CDC14A: variants seen among roughly 807,000 people sequenced by gnomAD.
CDC14A encodes cell division cycle 14A, also known as dual specificity protein phosphatase CDC14A.
CDC14A carries 53 observed loss-of-function variants against 74.4 expected under a neutral mutation model. The observed-to-expected ratio is 0.71, with a 90% CI of 0.57 to 0.89. The LOEUF (loss-of-function observed/expected upper bound fraction) is 0.89. Ranked by LOEUF, CDC14A falls within the 40% of genes least tolerant of loss-of-function variation. The probability of loss-of-function intolerance (pLI) is 0.00; values close to 1 mark genes in which losing one functional copy is unlikely to be tolerated. For missense variants in CDC14A, 646 were observed against 713.7 expected, an observed-to-expected ratio of 0.91 and a Z score of 1.08; for synonymous variants, 247 against 258.4, an observed-to-expected ratio of 0.96 and a Z score of 0.43.
At chr1:100,460,541 C>CCATTCCT (rs989465525) in intron 8 of CDC14A, among the ~76,000 whole-genome samples, 3 of 152,184 alleles carry the variant, frequency 2.0e-5, no homozygotes, top group African/African-American at 7.2e-5. Context: ...CTTCTCCTCC[C>CCATTCCT]CATTCCTCAC....
chr1:100,518,351 G>A lies in CDC14A; in HGVS notation c.*71G>A. On this transcript the variant is annotated 3_prime_UTR_variant, in exon 16 of 16. Coordinates refer to ENST00000336454, the MANE Select transcript of CDC14A (RefSeq NM_003672.4). The stretch of plus-strand genomic sequence containing the variant: ...TCTTCATCTGGACGAGCAGTGGAGA[G>A]GGAAAGCAACTTCTTGCTGGAAGAA... 7.9e-7 allele frequency: 1 copy of A among 1,261,058 alleles called. No homozygotes were observed. The highest frequency in any genetic ancestry group is 1.2e-5 in the South Asian group (1 of 82,640). 78.1% of individuals were successfully genotyped at this position (1,261,058 alleles called of 1,614,324 possible). A position where few individuals can be genotyped will look rare whatever the true frequency, so the allele number is the denominator to read the frequency against.
chr1:100,412,724 T>TATATA (rs1660956964), intron 4 of CDC14A, among the ~76,000 whole-genome samples: 1 of 75,362 alleles, frequency 1.3e-5, no homozygotes, highest in African/African-American at 1.3e-4. Flanking sequence ...ATATATATAT[T>TATATA]TTATATATAT....
At chr1:100,372,436 C>T (rs1654609573) in intron 2 of CDC14A, among the ~76,000 whole-genome samples, 1 of 152,202 alleles carries the variant, frequency 6.6e-6, no homozygotes, top group Admixed American at 6.5e-5. Context: ...ACTTTATCAA[C>T]TAAGTATGTG....
intron 4 of CDC14A, among the ~76,000 whole-genome samples, chr1:100,391,225 T>G (rs1304126819): frequency 6.6e-6 from 1 of 152,198 alleles, no homozygotes; most frequent in Non-Finnish European, 1.5e-5. Context: ...GAGGAAACCT[T>G]AGATTGCACA....
At chr1:100,478,834 C>A (rs1669176351) in intron 10 of CDC14A, among the ~76,000 whole-genome samples, 1 of 152,172 alleles carries the variant, frequency 6.6e-6, no homozygotes, top group African/African-American at 2.4e-5. Flanking sequence ...AACTTTGTTG[C>A]AAGCCTTCCA....
intron 7 of CDC14A, among the ~76,000 whole-genome samples, chr1:100,444,521 T>C (rs930831121): frequency 2.6e-5 from 4 of 152,206 alleles, no homozygotes; most frequent in African/African-American, 9.6e-5. Flanking sequence ...CCATCTCCTG[T>C]TACTTCACTG....
intron 3 of CDC14A, 113 bp downstream of exon 3, chr1:100,377,734 A>C: frequency 1.4e-6 from 1 of 690,846 alleles, no homozygotes; most frequent in South Asian, 1.9e-5. Context: ...GATCTCTGGA[A>C]ATTTATGTGA....
Position 100,377,567 on chromosome 1 carries a change from G to T in CDC14A, c.162G>T (p.Pro54=). The change falls in exon 3 of 16, where the codon CCG becomes CCT. Residue 54 remains proline (P), a synonymous_variant. Transcript: ENST00000336454. ...VYENFYADFG[P]LNLAMVYRYC... is the part of the protein sequence containing the mutation. ...TTAGTTTCTATGCAGATTTTGGACC[G>T]CTGAACTTGGCAATGGTGTACAGAT... 1.9e-6 allele frequency: 3 copies of T among 1,613,088 alleles called. No individual in the cohort carries two copies. Among genetic ancestry groups the T allele is most frequent in the East Asian group, 2.2e-5 (1 of 44,864 alleles).
At chr1:100,411,866 G>A (rs1660755308) in intron 4 of CDC14A, among the ~76,000 whole-genome samples, 1 of 152,178 alleles carries the variant, frequency 6.6e-6, no homozygotes, top group Admixed American at 6.5e-5. Context: ...TTGGTGATGT[G>A]CTGGTGACTG....
chr1:100,429,773 G>A (rs188620611), intron 5 of CDC14A, among the ~76,000 whole-genome samples: 1,844 of 147,380 alleles, frequency 0.013, 39 homozygotes, highest in African/African-American at 0.043. Context: ...TATATCAAGT[G>A]TGTATATATA....
At chr1:100,459,101 G>GCACACACACA (rs545033793) in intron 8 of CDC14A, among the ~76,000 whole-genome samples, 4 of 143,690 alleles carry the variant, frequency 2.8e-5, no homozygotes, top group Non-Finnish European at 6.1e-5. Context: ...ACACACACAC[G>GCACACACACA]CACACACACA....
intron 4 of CDC14A, among the ~76,000 whole-genome samples, chr1:100,392,108 C>T (rs1657794843): frequency 6.6e-6 from 1 of 152,168 alleles, no homozygotes; most frequent in Non-Finnish European, 1.5e-5. Context: ...CCCTACATTT[C>T]CTTTCAGTTC....
intron 8 of CDC14A, among the ~76,000 whole-genome samples, chr1:100,456,810 AC>A (rs1056871870): frequency 2.6e-5 from 4 of 152,198 alleles, no homozygotes; most frequent in African/African-American, 7.2e-5. Context: ...TCATGATTTT[AC>A]CATGCGAATG....
At chr1:100,442,244 T>C (rs1665016311) in intron 6 of CDC14A, among the ~76,000 whole-genome samples, 1 of 148,874 alleles carries the variant, frequency 6.7e-6, no homozygotes, top group Non-Finnish European at 1.5e-5. Flanking sequence ...AAGGTAGAGT[T>C]TTAGGAACAA....
At chr1:100,367,472 A>C (rs371177281) in intron 2 of CDC14A, among the ~76,000 whole-genome samples, 1 of 152,240 alleles carries the variant, frequency 6.6e-6, no homozygotes, top group African/African-American at 2.4e-5. Flanking sequence ...GTGAACAACT[A>C]TCAGCAATTT....
rs777505346 is a variant in CDC14A, at chr1:100,424,225, A to G, written c.313A>G (p.Ile105Val). The G allele has an allele frequency of 6.2e-7, 1 of 1,608,430 alleles. No individual in the cohort carries two copies. Among genetic ancestry groups the G allele is most frequent in the South Asian group, 1.1e-5 (1 of 90,966 alleles). Residue 105 changes from isoleucine (I) to valine (V), a missense_variant, in exon 5 of 16, where the codon ATC (isoleucine) becomes GTC (valine). Physicochemically the swap from Ile to Val is conservative, Grantham distance 29 (BLOSUM62 3). Coordinates refer to ENST00000336454, the MANE Select transcript of CDC14A (RefSeq NM_003672.4). ...TGTTACTATTTATCTGTCTTAGGTAATCTATTTAAAGAAGACACCAGAAGA... is the reference window on the plus strand; with the variant it reads ...TGTTACTATTTATCTGTCTTAGGTAGTCTATTTAAAGAAGACACCAGAAGA... Reference protein sequence around the residue: ...AAFLIGAYAVIYLKKTPEEAY... With the variant: ...AAFLIGAYAVVYLKKTPEEAY...
upstream of CDC14A, among the ~76,000 whole-genome samples, chr1:100,351,281 C>A (rs1650958119): frequency 6.6e-6 from 1 of 151,634 alleles, no homozygotes; most frequent in South Asian, 2.1e-4. Flanking sequence ...CAGCTCTGCA[C>A]GGGTGCGCCC....
At chr1:100,357,436 A>G (rs1652075666) in intron 2 of CDC14A, among the ~76,000 whole-genome samples, 1 of 152,202 alleles carries the variant, frequency 6.6e-6, no homozygotes, top group Admixed American at 6.5e-5. Context: ...GAGAGACTGC[A>G]AAGCCCCTAG....
chr1:100,370,229 C>T (rs1212673324), intron 2 of CDC14A, among the ~76,000 whole-genome samples: 1 of 152,068 alleles, frequency 6.6e-6, no homozygotes, highest in East Asian at 1.9e-4. Context: ...AGCGATCGGC[C>T]TGCCTTAGCC....
Sources: gnomAD v4.1 joint callset for allele counts (sites outside exome capture counted in the v4.1 genomes callset) on GRCh38, gnomAD v4.1.1 for gene constraint, MANE v1.5 for transcripts, NCBI Gene and HGNC (gene_info 2026-07-23, HGNC 2026-07-21) for gene names.